Variants in WDPCP observed in about 807,000 individuals in gnomAD.
The protein encoded by WDPCP is WD repeat-containing and planar cell polarity effector protein fritz homolog.
In WDPCP, 71 loss-of-function variants were observed where a neutral mutation model predicts 93.1. The ratio of observed to expected loss-of-function variants is 0.76; its 90% confidence interval spans 0.63 to 0.93. The LOEUF (loss-of-function observed/expected upper bound fraction) is 0.93. Among genes scored for constraint, WDPCP ranks in the 40% least tolerant of loss-of-function variants. WDPCP has a pLI of 0.00. For missense variants in WDPCP, 844 were observed against 887.4 expected (o/e 0.95, Z 0.62); for synonymous variants, 315 against 315.0 (o/e 1.00, Z 0.00).
At chr2:63,226,751 T>C (rs1232593016) in intron 14 of WDPCP, among the ~76,000 whole-genome samples, 1 of 151,946 alleles carries the variant, frequency 6.6e-6, no homozygotes, top group Non-Finnish European at 1.5e-5. Flanking sequence ...AGAAATATTA[T>C]GTTTCTCTTT....
chr2:63,340,178 G>C (rs1430603951), intron 12 of WDPCP, among the ~76,000 whole-genome samples: 1 of 151,980 alleles, frequency 6.6e-6, no homozygotes, highest in Admixed American at 6.6e-5. Context: ...TTACTGGTAG[G>C]TCACTGCCTC....
chr2:63,364,134 C>A (rs1690705742), intron 12 of WDPCP, among the ~76,000 whole-genome samples: 1 of 152,148 alleles, frequency 6.6e-6, no homozygotes, highest in Admixed American at 6.5e-5. Context: ...TTGCTCAACA[C>A]CATGATTCTT....
Position 63,575,461 on chromosome 2 carries a change from A to G in WDPCP, c.75+12736T>C, listed in dbSNP as rs796582912. Among the ~76,000 whole-genome samples, 110 of 17,182 alleles carry G rather than the reference A, an allele frequency of 6.4e-3. 5 individuals are homozygous for G. The highest frequency in any genetic ancestry group is 0.02 in the African/African-American group (63 of 3,144). The allele number at this position is 17,182 out of a possible 152,430, so 11.3% of individuals were successfully genotyped here. A position where few individuals can be genotyped will look rare whatever the true frequency, so the allele number is the denominator to read the frequency against. ...ACAGTGTATACACTGTATATACAGT[A>G]TATATGCAGTATATACAGTGTATAT... On this transcript the variant is annotated intron_variant, in intron 1 of 17. Transcript: ENST00000272321.
At chr2:63,669,970 A>T (rs1710325390) in intron 2 of WDPCP, among the ~76,000 whole-genome samples, 1 of 152,210 alleles carries the variant, frequency 6.6e-6, no homozygotes, top group Non-Finnish European at 1.5e-5. Context: ...CTTCAACTAT[A>T]GAAAGGTAGA....
chr2:63,777,712 CA>C (rs1389957923), intron 2 of WDPCP, among the ~76,000 whole-genome samples: 2 of 151,992 alleles, frequency 1.3e-5, no homozygotes, highest in East Asian at 3.8e-4. Flanking sequence ...CTAATGAATA[CA>C]AACTGTTCTA....
At chr2:63,223,885 C>T (rs528467816) in intron 14 of WDPCP, among the ~76,000 whole-genome samples, 7 of 152,068 alleles carry the variant, frequency 4.6e-5, no homozygotes, top group East Asian at 3.9e-4. Context: ...TATTTGCTTC[C>T]GTTGGTCTGT....
At chr2:63,696,073 A>C (rs1194494030) in intron 2 of WDPCP, among the ~76,000 whole-genome samples, 1 of 152,148 alleles carries the variant, frequency 6.6e-6, no homozygotes, top group African/African-American at 2.4e-5. Context: ...AGAACCCCAC[A>C]GTGGGTAGCA....
chr2:63,282,366 G>A (rs1160615198), intron 13 of WDPCP, among the ~76,000 whole-genome samples: 2 of 152,114 alleles, frequency 1.3e-5, no homozygotes, highest in African/African-American at 2.4e-5. Context: ...TTAGCTGGGC[G>A]TGGTGGTGCG....
intron 3 of WDPCP, among the ~76,000 whole-genome samples, chr2:63,613,500 C>G (rs1709637453): frequency 6.6e-6 from 1 of 152,232 alleles, no homozygotes; most frequent in Non-Finnish European, 1.5e-5. Context: ...TAATTCCCAG[C>G]CATTGCCTGC....
At chr2:63,389,618 C>G (rs1031177483) in intron 10 of WDPCP, among the ~76,000 whole-genome samples, 7 of 152,064 alleles carry the variant, frequency 4.6e-5, no homozygotes, top group Admixed American at 6.6e-5. Context: ...GAAAAAGAGT[C>G]CAGACCCATC....
chr2:63,800,258 G>A (rs779941904), intron 2 of WDPCP, among the ~76,000 whole-genome samples: 2 of 152,122 alleles, frequency 1.3e-5, no homozygotes, highest in Non-Finnish European at 2.9e-5. Flanking sequence ...AAACTTTTGA[G>A]TTCCTTTTAT....
chr2:63,365,790 T>C (rs1485185863), intron 12 of WDPCP, among the ~76,000 whole-genome samples: 2 of 152,196 alleles, frequency 1.3e-5, no homozygotes, highest in Non-Finnish European at 2.9e-5. Flanking sequence ...CTAAGTTTCA[T>C]TGTAAAAAAT....
intron 6 of WDPCP, among the ~76,000 whole-genome samples, chr2:63,455,271 A>T (rs1306014784): frequency 1.3e-5 from 2 of 152,122 alleles, no homozygotes; most frequent in African/African-American, 4.8e-5. Context: ...TATTAAAGGA[A>T]CAAAACCTCA....
At position 63,378,398 on chromosome 2, in the gene WDPCP, T is replaced by C. The variant is rs1692029240; in HGVS notation, c.1736A>G (p.His579Arg). ...QISKYARRFFHHLLRYQRFEK... is the reference protein window; with the variant it reads ...QISKYARRFFRHLLRYQRFEK... ...ACATATCATTCACCTGAGCAAGTGA[T>C]GGAAGAATCTCCTTGCATATTTGCT... The change falls in exon 12 of 18, where the codon CAT (histidine) becomes CGT (arginine). Residue 579 changes from histidine to arginine, a missense_variant. Physicochemically the swap from His to Arg is conservative, Grantham distance 29. Transcript: ENST00000272321. The C allele has an allele frequency of 6.2e-7, 1 of 1,613,074 alleles. No individual in the cohort carries two copies. Among genetic ancestry groups the C allele is most frequent in the African/African-American group, 1.3e-5 (1 of 74,984 alleles).
chr2:63,255,412 T>C (rs1236104958), intron 14 of WDPCP, among the ~76,000 whole-genome samples: 1 of 152,134 alleles, frequency 6.6e-6, no homozygotes. Flanking sequence ...ATGTTGGAGG[T>C]AGGGCCTCAT....
chr2:63,331,760 A>G (rs960182489), intron 12 of WDPCP, among the ~76,000 whole-genome samples: 6 of 152,086 alleles, frequency 3.9e-5, no homozygotes, highest in Non-Finnish European at 7.4e-5. Flanking sequence ...CTAGCATGTC[A>G]TATGTTTGAT....
At chr2:63,237,763 G>A (rs1046275473) in intron 14 of WDPCP, among the ~76,000 whole-genome samples, 6 of 152,074 alleles carry the variant, frequency 3.9e-5, no homozygotes, top group African/African-American at 1.4e-4. Flanking sequence ...TATAAAGTAG[G>A]AGCAGCTAAA....
At chr2:63,698,752 G>C (rs906042728) in intron 2 of WDPCP, among the ~76,000 whole-genome samples, 1 of 152,132 alleles carries the variant, frequency 6.6e-6, no homozygotes, top group African/African-American at 2.4e-5. Flanking sequence ...AAAGAGGGAG[G>C]GGGGAATAAA....
At chr2:63,652,148 T>C (rs923704537) in intron 2 of WDPCP, among the ~76,000 whole-genome samples, 1 of 152,240 alleles carries the variant, frequency 6.6e-6, no homozygotes, top group Non-Finnish European at 1.5e-5. Context: ...ACTGGCATGA[T>C]GCATTTGCAG....
Sources: gnomAD v4.1 joint callset for allele counts (sites outside exome capture counted in the v4.1 genomes callset) on GRCh38, gnomAD v4.1.1 for gene constraint, MANE v1.5 for transcripts, NCBI Gene and HGNC (gene_info 2026-07-23, HGNC 2026-07-21) for gene names.